Variants in FGF14 observed in about 807,000 individuals in gnomAD.
FGF14 encodes fibroblast growth factor homologous factor 4.
In FGF14, 5 loss-of-function variants were observed where a neutral mutation model predicts 25.5. That is an observed-to-expected ratio of 0.20 (90% confidence interval 0.10 to 0.41). The LOEUF is 0.41. FGF14 is among the 10% of genes least tolerant of loss of function. FGF14 has a pLI of 1.00. For synonymous variants in FGF14, 138 were observed against 118.3 expected, an observed-to-expected ratio of 1.17 and a Z score of -1.08; for missense variants, 222 against 320.1, an observed-to-expected ratio of 0.69 and a Z score of 2.34.
At chr13:102,225,268 AT>A (rs2050782262) in intron 1 of FGF14, among the ~76,000 whole-genome samples, 2 of 151,898 alleles carry the variant, frequency 1.3e-5, no homozygotes, top group African/African-American at 4.8e-5. Context: ...CCCCAAAAAA[AT>A]CTTTCTTCAA....
chr13:101,753,228 C>T (rs2037405306), intron 3 of FGF14, among the ~76,000 whole-genome samples: 1 of 151,552 alleles, frequency 6.6e-6, no homozygotes, highest in South Asian at 2.1e-4. Flanking sequence ...CATGCAAATG[C>T]AATTCAGTAA....
chr13:102,317,281 T>A (rs1307450730), intron 1 of FGF14, among the ~76,000 whole-genome samples: 1 of 152,172 alleles, frequency 6.6e-6, no homozygotes, highest in Non-Finnish European at 1.5e-5. Context: ...ACATAAACAT[T>A]TGCAAGATCG....
At chr13:101,743,923 G>C (rs919269176) in intron 3 of FGF14, among the ~76,000 whole-genome samples, 2 of 152,014 alleles carry the variant, frequency 1.3e-5, no homozygotes, top group African/African-American at 4.8e-5. Context: ...CCTCAAAATT[G>C]TTTACAAATA....
chr13:102,273,417 C>T (rs193121776), intron 1 of FGF14, among the ~76,000 whole-genome samples: 1 of 152,268 alleles, frequency 6.6e-6, no homozygotes, highest in African/African-American at 2.4e-5. Flanking sequence ...CAGAGGTTTG[C>T]TTTTCAGAAG....
intron 3 of FGF14, among the ~76,000 whole-genome samples, chr13:101,775,444 A>G (rs2039047746): frequency 6.6e-6 from 1 of 152,166 alleles, no homozygotes; most frequent in South Asian, 2.1e-4. Flanking sequence ...AATAGCTGCT[A>G]TTTTTATAAA....
rs577988682 is a variant in FGF14, at chr13:101,993,977, T to C, written c.209-118681A>G. On this transcript the variant is annotated intron_variant, in intron 1 of 4. Coordinates refer to the FGF14 transcript ENST00000376131. ...TTGAAAAATGGGGAAAATATAAATATAGGTTGGCTATTAGATGAGATTAAG... is the reference window on the plus strand; with the variant it reads ...TTGAAAAATGGGGAAAATATAAATACAGGTTGGCTATTAGATGAGATTAAG... Among the ~76,000 whole-genome samples, 195 of 151,798 alleles carry C rather than the reference T, an allele frequency of 1.3e-3. 2 individuals are homozygous for C. The highest frequency in any genetic ancestry group is 3.7e-3 in the Admixed American group (57 of 15,232).
At position 101,910,459 on chromosome 13, in the gene FGF14, C is replaced by T. The variant is rs139289853; in HGVS notation, c.193+5994G>A. ...GGTGAGACAATGACTTTGAAGTGGC[C>T]CTTCCCTATGGTGATGCCGTATGGG... On this transcript the variant is annotated intron_variant, in intron 1 of 4. Transcript: ENST00000376143. 3.7e-3 allele frequency among the ~76,000 whole-genome samples: 560 copies of T among 152,082 alleles called. 2 individuals carry two copies. The highest frequency in any genetic ancestry group is 5.2e-3 in the Non-Finnish European group (351 of 67,984).
At chr13:101,938,011 A>G (rs1047543591) in intron 1 of FGF14, among the ~76,000 whole-genome samples, 1 of 152,212 alleles carries the variant, frequency 6.6e-6, no homozygotes, top group South Asian at 2.1e-4. Context: ...AAAAATCTGA[A>G]ATCAAGAAGG....
chr13:101,764,266 A>G (rs2038239724), intron 3 of FGF14, among the ~76,000 whole-genome samples: 1 of 152,170 alleles, frequency 6.6e-6, no homozygotes, highest in Non-Finnish European at 1.5e-5. Context: ...GAGGTCTCTA[A>G]GCTTCAGTTC....
chr13:102,006,645 A>C (rs16959565), intron 1 of FGF14, among the ~76,000 whole-genome samples: 13,333 of 150,530 alleles, frequency 0.089, 837 homozygotes, highest in African/African-American at 0.16. Context: ...CAAGCCTTTT[A>C]GTACCTACAA....
chr13:101,992,573 G>GA (rs1428847984), intron 1 of FGF14, among the ~76,000 whole-genome samples: 1 of 151,952 alleles, frequency 6.6e-6, no homozygotes, highest in Non-Finnish European at 1.5e-5. Context: ...GGGATCGAAT[G>GA]AAAAAAAGTG....
rs1263086074 is a variant in FGF14, at chr13:102,320,668, A to C, written c.208+80803T>G. ...CCCCTAGGAGTTTGTGCTCTTTGAA[A>C]GCCAATGTGGGAGGACCTCCCTAGA... is the stretch of plus-strand genomic sequence containing the variant. On this transcript the variant is annotated intron_variant, in intron 1 of 4. Transcript: ENST00000376131. 2.6e-5 allele frequency among the ~76,000 whole-genome samples: 4 copies of C among 152,294 alleles called. 1 individual carries two copies.
intron 1 of FGF14, among the ~76,000 whole-genome samples, chr13:102,297,992 TG>T (rs1297545103): frequency 6.6e-6 from 1 of 152,170 alleles, no homozygotes; most frequent in Non-Finnish European, 1.5e-5. Context: ...GCCGTAATTT[TG>T]TTTATACACA....
chr13:102,044,941 A>G (rs1378294267), intron 1 of FGF14, among the ~76,000 whole-genome samples: 3 of 152,182 alleles, frequency 2.0e-5, no homozygotes, highest in Non-Finnish European at 2.9e-5. Flanking sequence ...TACCATGGCC[A>G]GCAAATAGAG....
chr13:102,124,470 T>G (rs2045867867), intron 1 of FGF14, among the ~76,000 whole-genome samples: 1 of 152,086 alleles, frequency 6.6e-6, no homozygotes, highest in South Asian at 2.1e-4. Context: ...CTATTAAAAA[T>G]TAGAAGAGAC....
At chr13:101,771,189 G>A (rs914701774) in intron 3 of FGF14, among the ~76,000 whole-genome samples, 2 of 152,122 alleles carry the variant, frequency 1.3e-5, no homozygotes, top group African/African-American at 4.8e-5. Context: ...AAAGATTCAA[G>A]CCCCTACAGT....
At chr13:102,221,341 G>A (rs2050601730) in intron 1 of FGF14, among the ~76,000 whole-genome samples, 1 of 152,100 alleles carries the variant, frequency 6.6e-6, no homozygotes, top group South Asian at 2.1e-4. Context: ...CCAAAGGACG[G>A]AAGGTTAAAT....
chr13:101,975,592 TG>T (rs1467688147), intron 1 of FGF14, among the ~76,000 whole-genome samples: 1 of 151,164 alleles, frequency 6.6e-6, no homozygotes, highest in Non-Finnish European at 1.5e-5. Context: ...TTAGCTTCCA[TG>T]GGCTTGAGCA....
At chr13:101,859,920 G>A (rs1416347219) in intron 3 of FGF14, among the ~76,000 whole-genome samples, 1 of 152,090 alleles carries the variant, frequency 6.6e-6, no homozygotes. Flanking sequence ...GGGAAAGGAA[G>A]CGATTTATTA....
Sources: gnomAD v4.1 joint callset for allele counts (sites outside exome capture counted in the v4.1 genomes callset) on GRCh38, gnomAD v4.1.1 for gene constraint, MANE v1.5 for transcripts, NCBI Gene and HGNC (gene_info 2026-07-23, HGNC 2026-07-21) for gene names.